SPSB4: variants seen among roughly 807,000 people sequenced by gnomAD.
The protein encoded by SPSB4 is splA/ryanodine receptor domain and SOCS box containing 4.
Under a neutral mutation model 20.9 loss-of-function variants are expected in SPSB4, and 21 were observed. That is an observed-to-expected ratio of 1.01 (90% CI 0.71 to 1.45). The LOEUF (loss-of-function observed/expected upper bound fraction) is 1.45, where lower values mean the gene tolerates loss of function less well. SPSB4 is among the 40% of genes most tolerant of loss of function. The pLI is 0.00. For synonymous variants in SPSB4, 207 were observed against 183.8 expected, an observed-to-expected ratio of 1.13 and a Z score of -1.02; for missense variants, 399 against 399.2, an observed-to-expected ratio of 1.00 and a Z score of 0.00.
chr3:141,062,948 G>T (rs1419603160), intron 1 of SPSB4, among the ~76,000 whole-genome samples: 1 of 149,452 alleles, frequency 6.7e-6, no homozygotes, highest in Non-Finnish European at 1.5e-5. Flanking sequence ...TTGGTCCACT[G>T]GTCCATCATG....
chr3:141,133,949 C>A (rs1292028549), intron 2 of SPSB4, among the ~76,000 whole-genome samples: 2 of 149,860 alleles, frequency 1.3e-5, no homozygotes, highest in African/African-American at 4.9e-5. Flanking sequence ...ATTCTTTCAG[C>A]AATGTTTGGT....
intron 2 of SPSB4, among the ~76,000 whole-genome samples, chr3:141,133,570 T>C (rs1939169362): frequency 6.6e-6 from 1 of 152,206 alleles, no homozygotes; most frequent in South Asian, 2.1e-4. Context: ...TTTATGTTTT[T>C]GTTTGCTTGG....
intron 2 of SPSB4, among the ~76,000 whole-genome samples, chr3:141,103,429 A>G (rs757767417): frequency 2.0e-4 from 31 of 152,218 alleles, no homozygotes; most frequent in Non-Finnish European, 3.5e-4. Flanking sequence ...GGAACAGCAC[A>G]CACTTTTGGT....
chr3:141,097,173 T>C (rs1288949338), intron 2 of SPSB4, among the ~76,000 whole-genome samples: 1 of 152,240 alleles, frequency 6.6e-6, no homozygotes, highest in Non-Finnish European at 1.5e-5. Flanking sequence ...TGACCCAATG[T>C]CCCTCTGCCC....
intron 2 of SPSB4, among the ~76,000 whole-genome samples, chr3:141,092,035 G>A (rs1047766558): frequency 2.0e-4 from 31 of 152,192 alleles, no homozygotes; most frequent in Non-Finnish European, 4.0e-4. Context: ...GCAAACTCTG[G>A]AGGAAGCTAT....
At chr3:141,139,084 A>G (rs533101676) in intron 2 of SPSB4, among the ~76,000 whole-genome samples, 14 of 152,308 alleles carry the variant, frequency 9.2e-5, no homozygotes, top group Admixed American at 1.3e-4. Flanking sequence ...CTTTACCATT[A>G]TGTAATGGCC....
chr3:141,092,890 C>T lies in SPSB4; in HGVS notation c.694+26092C>T, dbSNP rs186530952. On this transcript the variant is annotated intron_variant, in intron 2 of 2. Coordinates refer to ENST00000310546, the MANE Select transcript of SPSB4 (RefSeq NM_080862.3). ...AGGCTCAGAGGGGTGAAGTGACATG[C>T]CCAAGACCACGCAGCTGTTTCCAGG... Among the ~76,000 whole-genome samples the T allele has an allele frequency of 3.6e-3, 547 of 152,332 alleles. 5 individuals carry two copies. Among genetic ancestry groups the T allele is most frequent in the African/African-American group, 0.012 (516 of 41,568 alleles).
At chr3:141,127,566 A>C (rs1939068134) in intron 2 of SPSB4, among the ~76,000 whole-genome samples, 1 of 150,576 alleles carries the variant, frequency 6.6e-6, no homozygotes, top group African/African-American at 2.5e-5. Context: ...TCACTTTTTC[A>C]TGTGCATTTT....
chr3:141,147,079 G>C (rs1939425624), intron 2 of SPSB4, 63 bp from the exon 3 acceptor site: 32 of 1,600,892 alleles, frequency 2.0e-5, no homozygotes, highest in Non-Finnish European at 2.5e-5. Flanking sequence ...TGCAGTGGGG[G>C]CTGGGATGAG....
At chr3:141,082,224 C>T (rs1279992023) in intron 2 of SPSB4, among the ~76,000 whole-genome samples, 1 of 152,168 alleles carries the variant, frequency 6.6e-6, no homozygotes, top group Non-Finnish European at 1.5e-5. Context: ...GAAAACAATT[C>T]GGGGGCAGAG....
intron 2 of SPSB4, among the ~76,000 whole-genome samples, chr3:141,135,652 T>A (rs1939215239): frequency 6.6e-6 from 1 of 152,170 alleles, no homozygotes; most frequent in East Asian, 1.9e-4. Context: ...TTCATCCATT[T>A]CCCTACAAAG....
chr3:141,066,778 G>T lies in SPSB4; in HGVS notation c.674G>T (p.Arg225Leu). ...AVWGHCEVTM[R>L]YINGLDPEPL... ...TGGGGCCACTGTGAAGTCACCATGC[G>T]CTACATCAACGGCCTTGACCGTAAG... Residue 225 changes from arginine to leucine, a missense_variant, in exon 2 of 3, where the codon CGC becomes CTC. By Grantham distance (102) the Arg-to-Leu change is moderately radical. Transcript: ENST00000310546. 1 of 1,561,500 alleles carries T rather than the reference G, an allele frequency of 6.4e-7. No homozygotes were observed. The highest frequency in any genetic ancestry group is 2.3e-5 in the East Asian group (1 of 44,184).
intron 2 of SPSB4, chr3:141,077,290 T>A (rs1938134496): frequency 6.6e-6 from 1 of 152,232 alleles, no homozygotes; most frequent in African/African-American, 2.4e-5. Context: ...TTCTTCATCC[T>A]TCTCAGCGGC....
At chr3:141,127,869 AAGAACTG>A (rs1939072997) in intron 2 of SPSB4, among the ~76,000 whole-genome samples, 1 of 152,218 alleles carries the variant, frequency 6.6e-6, no homozygotes, top group Non-Finnish European at 1.5e-5. Context: ...ACTGAGGTCT[AAGAACTG>A]AGAACCGAAC....
intron 2 of SPSB4, among the ~76,000 whole-genome samples, chr3:141,127,887 C>G (rs764410877): frequency 6.6e-6 from 1 of 152,188 alleles, no homozygotes; most frequent in Non-Finnish European, 1.5e-5. Flanking sequence ...AGAACCGAAC[C>G]GAATTCCAGA....
At chr3:141,086,313 G>T (rs1298113031) in intron 2 of SPSB4, among the ~76,000 whole-genome samples, 1 of 152,178 alleles carries the variant, frequency 6.6e-6, no homozygotes, top group Non-Finnish European at 1.5e-5. Context: ...GACACAGAGG[G>T]TAGCAATTAG....
At chr3:141,092,325 A>G (rs1185418117) in intron 2 of SPSB4, among the ~76,000 whole-genome samples, 1 of 152,242 alleles carries the variant, frequency 6.6e-6, no homozygotes, top group Non-Finnish European at 1.5e-5. Flanking sequence ...TATTAGCATT[A>G]GCATTAGCAT....
rs140867274 is a variant in SPSB4 at position 141,055,701 on chromosome 3, A to T, written c.-154+3709A>T. ...CGGGATCCATGGCAGGAACAGTGAC[A>T]TGCAGAGGAACCTGGCATGTGAGAG... On this transcript the variant is annotated intron_variant, in intron 1 of 2. Coordinates refer to ENST00000310546, the MANE Select transcript of SPSB4 (RefSeq NM_080862.3). 2.8e-3 allele frequency among the ~76,000 whole-genome samples: 426 copies of T among 152,310 alleles called. 3 individuals are homozygous for T. Among genetic ancestry groups the T allele is most frequent in the Non-Finnish European group, 4.3e-3 (294 of 68,026 alleles).
intron 2 of SPSB4, among the ~76,000 whole-genome samples, chr3:141,089,607 G>A (rs1274706624): frequency 1.3e-5 from 2 of 152,160 alleles, no homozygotes; most frequent in Admixed American, 6.5e-5. Context: ...TGTTTTCAAC[G>A]TCTTGGCCTG....
Sources: allele counts gnomAD v4.1 joint callset (sites outside exome capture counted in the v4.1 genomes callset), GRCh38; gene constraint gnomAD v4.1.1; transcripts MANE v1.5; gene names NCBI Gene and HGNC (gene_info 2026-07-23, HGNC 2026-07-21).